Variants in CSGALNACT1 observed in about 807,000 individuals in gnomAD.
CSGALNACT1 encodes chondroitin sulfate N-acetylgalactosaminyltransferase 1, also known as beta4GalNAcT-1.
In CSGALNACT1, 52 loss-of-function variants were observed where a neutral mutation model predicts 51.0. That is an observed-to-expected ratio of 1.02 (90% CI 0.82 to 1.29). CSGALNACT1 has a LOEUF of 1.29. Among genes scored for constraint, CSGALNACT1 ranks in the 50% most tolerant of loss-of-function variants. The pLI is 0.00. For missense variants in CSGALNACT1, 935 were observed against 679.2 expected (o/e 1.38, Z -4.19); for synonymous variants, 341 against 254.4 (o/e 1.34, Z -3.24).
intron 9 of CSGALNACT1, among the ~76,000 whole-genome samples, chr8:19,407,931 G>C (rs908232228): frequency 2.6e-5 from 4 of 151,330 alleles, no homozygotes; most frequent in African/African-American, 4.8e-5. Context: ...GTGTGTGTGT[G>C]TGTGTGTGTG....
intron 3 of CSGALNACT1, among the ~76,000 whole-genome samples, chr8:19,565,559 T>C (rs755953897): frequency 5.4e-4 from 82 of 152,232 alleles, no homozygotes; most frequent in African/African-American, 1.5e-3. Context: ...ATTTGAGAGA[T>C]AGCCAAGTAT....
At chr8:19,636,290 T>C (rs1262965849) in intron 1 of CSGALNACT1, among the ~76,000 whole-genome samples, 2 of 152,226 alleles carry the variant, frequency 1.3e-5, no homozygotes, top group Non-Finnish European at 2.9e-5. Flanking sequence ...AATCTCTAAC[T>C]GTGCCTGATA....
intron 4 of CSGALNACT1, among the ~76,000 whole-genome samples, chr8:19,466,301 C>A (rs572249058): frequency 6.6e-6 from 1 of 152,126 alleles, no homozygotes; most frequent in African/African-American, 2.4e-5. Flanking sequence ...TGTCTGAAAT[C>A]ATTTAATATA....
intron 3 of CSGALNACT1, among the ~76,000 whole-genome samples, chr8:19,579,567 C>A (rs145061713): frequency 1.3e-5 from 2 of 152,150 alleles, no homozygotes; most frequent in Admixed American, 1.3e-4. Context: ...GAGATAGAGA[C>A]GGACACATAG....
chr8:19,665,583 A>G (rs1018207299), intron 1 of CSGALNACT1, among the ~76,000 whole-genome samples: 5 of 152,172 alleles, frequency 3.3e-5, no homozygotes, highest in Admixed American at 6.5e-5. Flanking sequence ...CATCAGGCCC[A>G]GGAAGCCACG....
At chr8:19,655,144 T>C (rs1478619982) in intron 1 of CSGALNACT1, among the ~76,000 whole-genome samples, 3 of 152,186 alleles carry the variant, frequency 2.0e-5, no homozygotes, top group African/African-American at 4.8e-5. Flanking sequence ...GTCATTTTCC[T>C]GGAATGGTGC....
chr8:19,621,749 C>A (rs2053851873), intron 1 of CSGALNACT1, among the ~76,000 whole-genome samples: 1 of 152,132 alleles, frequency 6.6e-6, no homozygotes, highest in African/African-American at 2.4e-5. Flanking sequence ...CCACAGCACC[C>A]CAGCCTGGGC....
chr8:19,604,152 A>G (rs1201453051), upstream of CSGALNACT1, among the ~76,000 whole-genome samples: 1 of 152,190 alleles, frequency 6.6e-6, no homozygotes, highest in Admixed American at 6.5e-5. Context: ...TAGTAACTGA[A>G]AAATGAAGAG....
chr8:19,651,386 C>A (rs933805414), intron 1 of CSGALNACT1, among the ~76,000 whole-genome samples: 3 of 152,128 alleles, frequency 2.0e-5, no homozygotes, highest in Non-Finnish European at 4.4e-5. Context: ...GGCTCGCACC[C>A]AATAGTTTTT....
chr8:19,666,861 GAAAGAAAGAAAGAA>G (rs2059279356), intron 1 of CSGALNACT1, among the ~76,000 whole-genome samples: 1 of 121,592 alleles, frequency 8.2e-6, no homozygotes, highest in Non-Finnish European at 1.6e-5. Context: ...AAGAAAGAAA[GAAAGAAAGAAAGAA>G]AGAAAGAAAG....
At chr8:19,564,759 G>C (rs908801856) in intron 3 of CSGALNACT1, among the ~76,000 whole-genome samples, 1 of 152,164 alleles carries the variant, frequency 6.6e-6, no homozygotes, top group African/African-American at 2.4e-5. Flanking sequence ...CTAATTCTCT[G>C]CATAGCACTT....
intron 4 of CSGALNACT1, among the ~76,000 whole-genome samples, chr8:19,500,479 A>AC (rs144910564): frequency 0.013 from 1,990 of 152,316 alleles, 47 homozygotes; most frequent in African/African-American, 0.045. Context: ...CTGAAATGGC[A>AC]CACTGACATA....
chr8:19,538,637 G>C (rs969189882), intron 3 of CSGALNACT1, among the ~76,000 whole-genome samples: 2 of 152,144 alleles, frequency 1.3e-5, no homozygotes, highest in African/African-American at 4.8e-5. Flanking sequence ...TTAGTTTCTT[G>C]AACTGAGGGA....
chr8:19,491,615 G>C (rs548961420), intron 4 of CSGALNACT1, among the ~76,000 whole-genome samples: 1 of 152,126 alleles, frequency 6.6e-6, no homozygotes, highest in Non-Finnish European at 1.5e-5. Flanking sequence ...TCAGATATCT[G>C]TATCTCTTTT....
At chr8:19,674,533 G>C (rs1159648003) in intron 1 of CSGALNACT1, among the ~76,000 whole-genome samples, 1 of 152,162 alleles carries the variant, frequency 6.6e-6, no homozygotes, top group Non-Finnish European at 1.5e-5. Context: ...GGAGGGAGAA[G>C]AACAGTGGGA....
intron 1 of CSGALNACT1, among the ~76,000 whole-genome samples, chr8:19,722,349 C>T (rs1429300119): frequency 6.6e-6 from 1 of 152,058 alleles, no homozygotes; most frequent in African/African-American, 2.4e-5. Context: ...TTTTATGATG[C>T]CTTTAGCTAA....
chr8:19,414,893 A>G (rs547355549), intron 8 of CSGALNACT1, among the ~76,000 whole-genome samples: 107 of 152,230 alleles, frequency 7.0e-4, no homozygotes, highest in Admixed American at 1.4e-3. Context: ...CTGAGTCAGA[A>G]CGTACCCTTA....
chr8:19,698,104 C>A (rs911812050), intron 1 of CSGALNACT1, among the ~76,000 whole-genome samples: 3 of 152,142 alleles, frequency 2.0e-5, no homozygotes, highest in African/African-American at 7.2e-5. Flanking sequence ...GAGAAGGCTG[C>A]TGGGGAAGCA....
rs76797963 is a variant in CSGALNACT1 at position 19,456,423 on chromosome 8, G to A, written c.851+2003C>T. On this transcript the variant is annotated intron_variant, in intron 5 of 9. Transcript: ENST00000454498. Reference sequence around the variant, plus strand: ...TGCCAAATGAACTTGCGATAACCTCGTCCTAGAAATGGGCATTCTAGCTGC... The same window carrying A: ...TGCCAAATGAACTTGCGATAACCTCATCCTAGAAATGGGCATTCTAGCTGC... Among the ~76,000 whole-genome samples, 1,475 of 152,252 alleles carry A rather than the reference G, an allele frequency of 9.7e-3. 22 individuals carry two copies. The highest frequency in any genetic ancestry group is 0.03 in the African/African-American group (1,260 of 41,544).
Sources: gnomAD v4.1 joint callset for allele counts (sites outside exome capture counted in the v4.1 genomes callset) on GRCh38, gnomAD v4.1.1 for gene constraint, MANE v1.5 for transcripts, NCBI Gene and HGNC (gene_info 2026-07-23, HGNC 2026-07-21) for gene names.